Variants in COLEC10 observed in about 807,000 individuals in gnomAD.
COLEC10 encodes collectin subfamily member 10.
In COLEC10, 22 loss-of-function variants were observed where a neutral mutation model predicts 28.4. The observed-to-expected ratio is 0.78, with a 90% CI of 0.55 to 1.11. The LOEUF (loss-of-function observed/expected upper bound fraction) is 1.11. Ranked by LOEUF, COLEC10 falls within the 50% of genes least tolerant of loss-of-function variation. COLEC10 has a pLI of 0.00. For missense variants in COLEC10, 361 were observed against 344.1 expected, an observed-to-expected ratio of 1.05 and a Z score of -0.39; for synonymous variants, 125 against 116.1, an observed-to-expected ratio of 1.08 and a Z score of -0.49.
chr8:119,026,856 C>T (rs1161966318), intron 2 of COLEC10, among the ~76,000 whole-genome samples: 1 of 152,160 alleles, frequency 6.6e-6, no homozygotes, highest in African/African-American at 2.4e-5. Context: ...CCTTTGCAAA[C>T]TTGCATCTAT....
intron 2 of COLEC10, among the ~76,000 whole-genome samples, chr8:119,042,273 C>A (rs987149130): frequency 6.6e-6 from 1 of 152,150 alleles, no homozygotes; most frequent in Non-Finnish European, 1.5e-5. Flanking sequence ...GCTGGGATTA[C>A]AACCATGAGC....
intron 2 of COLEC10, among the ~76,000 whole-genome samples, chr8:119,031,468 A>C (rs1443409389): frequency 6.6e-6 from 1 of 152,234 alleles, no homozygotes; most frequent in African/African-American, 2.4e-5. Flanking sequence ...GCCACCTGGC[A>C]GGTGGTAGAA....
Position 119,106,038 on chromosome 8 carries a change from A to G in COLEC10, c.681A>G (p.Pro227=), listed in dbSNP as rs1428520596. ...EGQYMFTDNT[P]LQNYSNWNEG... is the part of the protein sequence containing the mutation. ...AGTACATGTTCACAGACAACACTCC[A>G]CTGCAGAACTATAGCAACTGGAATG... The change falls in exon 6 of 6, where the codon CCA becomes CCG. Residue 227 remains proline, a synonymous_variant. Coordinates refer to ENST00000332843, the MANE Select transcript of COLEC10 (RefSeq NM_006438.5). 1 of 1,613,928 alleles carries G rather than the reference A, an allele frequency of 6.2e-7. No homozygotes were observed. The highest frequency in any genetic ancestry group is 1.1e-5 in the South Asian group (1 of 91,074).
intron 2 of COLEC10, among the ~76,000 whole-genome samples, chr8:119,037,944 C>A (rs1363051196): frequency 1.3e-5 from 2 of 152,168 alleles, no homozygotes; most frequent in African/African-American, 4.8e-5. Context: ...GGCTTGGACC[C>A]TATCTCTTGC....
chr8:119,023,678 ATT>A (rs1247210078), intron 2 of COLEC10, among the ~76,000 whole-genome samples: 30 of 152,144 alleles, frequency 2.0e-4, no homozygotes, highest in Non-Finnish European at 3.1e-4. Flanking sequence ...GAACAATGGC[ATT>A]GTTTCTGTTA....
chr8:119,040,809 A>C (rs1370865423), intron 2 of COLEC10, among the ~76,000 whole-genome samples: 2 of 152,202 alleles, frequency 1.3e-5, no homozygotes, highest in Non-Finnish European at 2.9e-5. Context: ...CAGGGGAAGG[A>C]GCCACTTCAA....
intron 1 of COLEC10, among the ~76,000 whole-genome samples, chr8:119,084,517 A>G (rs1341313945): frequency 1.3e-5 from 2 of 152,216 alleles, no homozygotes; most frequent in Non-Finnish European, 2.9e-5. Context: ...CTGAATGTCT[A>G]CTTCTCTTCT....
chr8:118,971,719 A>C, the COLEC10 span, among the ~76,000 whole-genome samples: 1 of 152,022 alleles, frequency 6.6e-6, no homozygotes, highest in Non-Finnish European at 1.5e-5. Context: ...ATTGTGAGGA[A>C]TATTTAATAC....
Position 119,083,670 on chromosome 8 carries a change from C to T in COLEC10, c.149-6010C>T, listed in dbSNP as rs146870129. On this transcript the variant is annotated intron_variant, in intron 1 of 5. Coordinates refer to ENST00000332843, the MANE Select transcript of COLEC10 (RefSeq NM_006438.5). ...AAAAGGGTCATCATCCCCATTTTCC[C>T]GGATAGGAAACTAAAGCAGGAAGGT... Among the ~76,000 whole-genome samples the T allele has an allele frequency of 4.3e-4, 65 of 151,716 alleles. No homozygotes were observed. In the East Asian group the frequency reaches 9.7e-3, roughly 23 times the overall value.
At chr8:119,019,657 C>T (rs993831092) in intron 2 of COLEC10, among the ~76,000 whole-genome samples, 2 of 152,194 alleles carry the variant, frequency 1.3e-5, no homozygotes, top group Middle Eastern at 3.4e-3. Context: ...CATGACACAC[C>T]GCTGAACCTC....
At chr8:119,081,841 G>A (rs1299438487) in intron 1 of COLEC10, among the ~76,000 whole-genome samples, 1 of 152,156 alleles carries the variant, frequency 6.6e-6, no homozygotes, top group African/African-American at 2.4e-5. Flanking sequence ...ATAGTAGAAT[G>A]GTGGAAATAT....
At chr8:119,019,663 AC>A (rs1263853904) in intron 2 of COLEC10, among the ~76,000 whole-genome samples, 2 of 151,844 alleles carry the variant, frequency 1.3e-5, no homozygotes, top group African/African-American at 4.8e-5. Context: ...ACACCGCTGA[AC>A]CTCCCCCACT....
the COLEC10 span, chr8:118,976,744 C>T: frequency 6.6e-6 from 1 of 152,112 alleles, no homozygotes; most frequent in African/African-American, 2.4e-5. Flanking sequence ...CCAAAATTAA[C>T]AAATGGGATC....
chr8:119,020,880 T>G (rs1300637533), intron 2 of COLEC10, among the ~76,000 whole-genome samples: 2 of 152,194 alleles, frequency 1.3e-5, no homozygotes. Flanking sequence ...ATGGATTTTA[T>G]GTATGTTAGA....
At chr8:118,964,387 C>A in the COLEC10 span, among the ~76,000 whole-genome samples, 11 of 152,292 alleles carry the variant, frequency 7.2e-5, no homozygotes, top group African/African-American at 2.4e-4. Context: ...GTAATTCCAA[C>A]TTTGCCCCTC....
intron 1 of COLEC10, among the ~76,000 whole-genome samples, chr8:118,998,019 G>T (rs1813618815): frequency 6.6e-6 from 1 of 152,138 alleles, no homozygotes; most frequent in Non-Finnish European, 1.5e-5. Flanking sequence ...TTCAACATAT[G>T]ATCAATCAAG....
chr8:118,987,633 C>T, the COLEC10 span, among the ~76,000 whole-genome samples: 3 of 151,970 alleles, frequency 2.0e-5, no homozygotes, highest in South Asian at 2.1e-4. Context: ...AACATTTAAA[C>T]AATATCTTCA....
intron 2 of COLEC10, among the ~76,000 whole-genome samples, chr8:119,054,372 C>T (rs1207815228): frequency 1.3e-5 from 2 of 151,982 alleles, no homozygotes; most frequent in East Asian, 3.9e-4. Context: ...TCATTATTTG[C>T]CAGGGGAATT....
chr8:118,977,749 T>TAATAATA, the COLEC10 span, among the ~76,000 whole-genome samples: 1 of 148,502 alleles, frequency 6.7e-6, no homozygotes, highest in African/African-American at 2.5e-5. Flanking sequence ...AGTATAATAA[T>TAATAATA]AATAAATAAA....
Sources: allele counts gnomAD v4.1 joint callset (sites outside exome capture counted in the v4.1 genomes callset), GRCh38; gene constraint gnomAD v4.1.1; transcripts MANE v1.5; gene names NCBI Gene and HGNC (gene_info 2026-07-23, HGNC 2026-07-21).